Variants in AKAP6 observed in about 807,000 individuals in gnomAD.
The protein encoded by AKAP6 is A-kinase anchor protein 6.
In AKAP6, 58 loss-of-function variants were observed where a neutral mutation model predicts 188.5. The ratio of observed to expected loss-of-function variants is 0.31; its 90% CI spans 0.25 to 0.38. The LOEUF is 0.38. Ranked by LOEUF, AKAP6 falls within the 10% of genes least tolerant of loss-of-function variation. AKAP6 has a pLI of 1.00. For missense variants in AKAP6, 2,710 were observed against 2,740.0 expected (o/e 0.99, Z 0.24); for synonymous variants, 989 against 998.6 (o/e 0.99, Z 0.18).
At chr14:32,626,870 T>C (rs1887048166) in intron 7 of AKAP6, among the ~76,000 whole-genome samples, 1 of 152,136 alleles carries the variant, frequency 6.6e-6, no homozygotes, top group Non-Finnish European at 1.5e-5. Flanking sequence ...ACCTTTCATC[T>C]TCATTTTCTT....
At chr14:32,371,948 CTT>C (rs1344212816) in intron 1 of AKAP6, among the ~76,000 whole-genome samples, 3 of 152,100 alleles carry the variant, frequency 2.0e-5, no homozygotes, top group Non-Finnish European at 1.5e-5. Flanking sequence ...CTCTACTTCT[CTT>C]TTCTTTCTTC....
intron 1 of AKAP6, among the ~76,000 whole-genome samples, chr14:32,348,971 GCCCCT>G (rs1384784086): frequency 6.6e-6 from 1 of 152,142 alleles, no homozygotes; most frequent in Non-Finnish European, 1.5e-5. Context: ...ATTCCCGGCA[GCCCCT>G]CTAACCAGAC....
At chr14:32,679,525 TA>T (rs1191655659) in intron 8 of AKAP6, among the ~76,000 whole-genome samples, 9 of 152,188 alleles carry the variant, frequency 5.9e-5, no homozygotes, top group African/African-American at 1.7e-4. Context: ...GGTTTGCATT[TA>T]TTTTTTTAAA....
rs2034856200 is a variant in AKAP6, at chr14:32,834,612, T to C, written c.*4807T>C. On this transcript the variant is annotated 3_prime_UTR_variant, in exon 14 of 14. Transcript: ENST00000280979. Reference sequence around the variant, plus strand: ...TATTTTTCTTTGGGCTTTTATAACATCGACAGTTCTGAAAAGTCCAGGCCA... The same window carrying C: ...TATTTTTCTTTGGGCTTTTATAACACCGACAGTTCTGAAAAGTCCAGGCCA... 1 of 145,586 alleles carries C rather than the reference T, an allele frequency of 6.9e-6. No individual in the cohort carries two copies. Among genetic ancestry groups the C allele is most frequent in the Admixed American group, 7.0e-5 (1 of 14,268 alleles). The allele number at this position is 145,586 out of a possible 1,614,324, so 9.0% of individuals were successfully genotyped here.
chr14:32,735,798 T>C lies in AKAP6; in HGVS notation c.3288T>C (p.Asp1096=). Residue 1096 remains aspartate, a synonymous_variant, in exon 11 of 14, where the codon GAT becomes GAC. Transcript: ENST00000280979. ...AAGAACTGAAAGGATGGCTAAGAGA[T>C]ACAGAGCTTTTCATCTTCAATTCCT... ...RIKELKGWLR[D]TELFIFNSCL... The C allele has an allele frequency of 6.2e-7, 1 of 1,613,444 alleles. No homozygotes were observed. Among genetic ancestry groups the C allele is most frequent in the Non-Finnish European group, 8.5e-7 (1 of 1,179,670 alleles).
At chr14:32,420,716 C>T (rs1176669198) in intron 1 of AKAP6, among the ~76,000 whole-genome samples, 1 of 152,078 alleles carries the variant, frequency 6.6e-6, no homozygotes, top group African/African-American at 2.4e-5. Context: ...GCCTTCTGAC[C>T]TGTTGTAGTC....
intron 1 of AKAP6, among the ~76,000 whole-genome samples, chr14:32,364,930 T>C (rs753130297): frequency 2.0e-5 from 3 of 152,122 alleles, no homozygotes; most frequent in Non-Finnish European, 4.4e-5. Flanking sequence ...AAGGACGAAA[T>C]TATAGTTAAT....
intron 8 of AKAP6, among the ~76,000 whole-genome samples, chr14:32,690,866 G>A (rs565813156): frequency 5.3e-5 from 8 of 152,084 alleles, no homozygotes; most frequent in Non-Finnish European, 1.2e-4. Context: ...TCAAGTGTAT[G>A]GCAAGTTAAA....
chr14:32,718,695 C>T (rs183038594), intron 9 of AKAP6, among the ~76,000 whole-genome samples: 1 of 152,050 alleles, frequency 6.6e-6, no homozygotes, highest in Non-Finnish European at 1.5e-5. Context: ...GAATAATATT[C>T]CTGTATTGGA....
At chr14:32,602,376 T>A (rs1885962251) in intron 7 of AKAP6, among the ~76,000 whole-genome samples, 1 of 152,104 alleles carries the variant, frequency 6.6e-6, no homozygotes, top group African/African-American at 2.4e-5. Flanking sequence ...GCACCTACAG[T>A]CCTAGTTACT....
intron 1 of AKAP6, among the ~76,000 whole-genome samples, chr14:32,355,998 C>G (rs1887472088): frequency 6.6e-6 from 1 of 152,022 alleles, no homozygotes; most frequent in Admixed American, 6.5e-5. Flanking sequence ...AGGCTGATCT[C>G]AAACTCTGGG....
intron 2 of AKAP6, among the ~76,000 whole-genome samples, chr14:32,472,484 T>C (rs1218473486): frequency 6.6e-6 from 1 of 152,188 alleles, no homozygotes; most frequent in East Asian, 1.9e-4. Flanking sequence ...CCAGAAAAGA[T>C]CATGGTCTTT....
In AKAP6 at chr14:32,545,773, A is replaced by G; in HGVS notation, c.1120A>G (p.Arg374Gly). The G allele has an allele frequency of 1.2e-6, 2 of 1,614,246 alleles. No homozygotes were observed. Among genetic ancestry groups the G allele is most frequent in the Non-Finnish European group, 1.7e-6 (2 of 1,180,042 alleles). Residue 374 changes from arginine to glycine, a missense_variant, in exon 4 of 14, where the codon AGA (arginine) becomes GGA (glycine). By Grantham distance (125) the Arg-to-Gly change is moderately radical. Transcript: ENST00000280979. The part of the protein sequence containing the change: ...CENATPKRTI[R>G]DCFNYNEDSP... ...AAATGCAACCCCCAAACGAACCATC[A>G]GAGATTGCTTTAATTATAACGAGGA... is the stretch of plus-strand genomic sequence containing the variant.
intron 1 of AKAP6, among the ~76,000 whole-genome samples, chr14:32,430,133 A>G (rs1890166776): frequency 6.6e-6 from 1 of 152,216 alleles, no homozygotes. Flanking sequence ...GTAGGCTTTG[A>G]CAAAATGGAG....
chr14:32,556,603 A>G (rs1392682428), intron 4 of AKAP6, among the ~76,000 whole-genome samples: 2 of 152,130 alleles, frequency 1.3e-5, no homozygotes, highest in Admixed American at 6.6e-5. Flanking sequence ...TCAACCTCCC[A>G]AAGTGCTGGG....
intron 12 of AKAP6, among the ~76,000 whole-genome samples, chr14:32,806,823 T>C (rs1383045774): frequency 6.6e-6 from 1 of 151,988 alleles, no homozygotes; most frequent in Admixed American, 6.6e-5. Flanking sequence ...TTTAAAGGAG[T>C]TTAAGATTGA....
chr14:32,391,223 A>T (rs914386660), intron 1 of AKAP6, among the ~76,000 whole-genome samples: 5 of 152,158 alleles, frequency 3.3e-5, no homozygotes, highest in Non-Finnish European at 7.3e-5. Context: ...CAGCATTCTC[A>T]TGTTCAATCT....
intron 1 of AKAP6, among the ~76,000 whole-genome samples, chr14:32,392,973 T>C (rs1888759927): frequency 6.6e-6 from 1 of 152,124 alleles, no homozygotes; most frequent in African/African-American, 2.4e-5. Context: ...AATTTTTTTC[T>C]TCTGTATATT....
chr14:32,818,527 G>A (rs151297194), intron 12 of AKAP6, among the ~76,000 whole-genome samples: 81 of 151,014 alleles, frequency 5.4e-4, no homozygotes, highest in African/African-American at 1.9e-3. Context: ...TTGTAACCGT[G>A]AAATTTTTTT....
Sources: gnomAD v4.1 joint callset for allele counts (sites outside exome capture counted in the v4.1 genomes callset) on GRCh38, gnomAD v4.1.1 for gene constraint, MANE v1.5 for transcripts, NCBI Gene and HGNC (gene_info 2026-07-23, HGNC 2026-07-21) for gene names.